The following AMPH variants were observed in gnomAD, a reference collection of about 807,000 sequenced individuals.
AMPH encodes the protein amphiphysin (Stiff-Mann syndrome with breast cancer 128kD autoantigen).
In AMPH, 49 loss-of-function variants were observed where a neutral mutation model predicts 99.1. The ratio of observed to expected loss-of-function variants is 0.49; its 90% CI spans 0.39 to 0.63. The LOEUF is 0.63. Ranked by LOEUF, AMPH falls within the 20% of genes least tolerant of loss-of-function variation. The probability of loss-of-function intolerance (pLI) is 0.00; values close to 1 mark genes in which losing one functional copy is unlikely to be tolerated. For missense variants in AMPH, 759 were observed against 863.4 expected, an observed-to-expected ratio of 0.88 and a Z score of 1.52; for synonymous variants, 314 against 317.3, an observed-to-expected ratio of 0.99 and a Z score of 0.11.
Position 38,581,747 on chromosome 7 carries a change from A to C in AMPH, c.70-46736T>G, listed in dbSNP as rs1792473724. 2.0e-5 allele frequency among the ~76,000 whole-genome samples: 3 copies of C among 152,284 alleles called. No homozygotes were observed. The South Asian group carries it at 6.2e-4, about 32-fold the overall frequency. On this transcript the variant is annotated intron_variant, in intron 1 of 20. Transcript: ENST00000356264. ...AGGTGTAAAAATGGTAGCATTCTAC[A>C]TCTATTTTAGAATTTGATGCAGATG...
intron 11 of AMPH, among the ~76,000 whole-genome samples, chr7:38,450,367 C>A (rs1028636414): frequency 2.6e-5 from 4 of 152,206 alleles, no homozygotes; most frequent in Admixed American, 6.5e-5. Context: ...CAAAGAGGGA[C>A]CCTGCCCCAA....
intron 11 of AMPH, among the ~76,000 whole-genome samples, chr7:38,455,309 G>C (rs1380788882): frequency 6.6e-6 from 1 of 152,116 alleles, no homozygotes; most frequent in African/African-American, 2.4e-5. Flanking sequence ...GACTTCAGGT[G>C]ATCTGCCCGC....
intron 17 of AMPH, among the ~76,000 whole-genome samples, chr7:38,413,505 G>C (rs1327830410): frequency 6.6e-6 from 1 of 152,188 alleles, no homozygotes; most frequent in African/African-American, 2.4e-5. Context: ...GATGGGCATG[G>C]ATTATGCACT....
chr7:38,526,272 C>CTT (rs1156956513), intron 2 of AMPH, among the ~76,000 whole-genome samples: 6 of 142,906 alleles, frequency 4.2e-5, no homozygotes, highest in Non-Finnish European at 9.2e-5. Context: ...GGTTTCTTTT[C>CTT]TTTTTTTTTT....
chr7:38,457,531 G>A (rs938081411), intron 11 of AMPH, among the ~76,000 whole-genome samples: 1 of 152,104 alleles, frequency 6.6e-6, no homozygotes, highest in Non-Finnish European at 1.5e-5. Context: ...AAAAAGAATG[G>A]ACAAAGCCTT....
intron 11 of AMPH, among the ~76,000 whole-genome samples, chr7:38,445,186 G>A (rs1363373828): frequency 8.6e-5 from 13 of 151,214 alleles, no homozygotes; most frequent in Admixed American, 5.3e-4. Flanking sequence ...ATTTAGTAGA[G>A]TAAGAATACT....
At chr7:38,392,338 G>A (rs1784527376) in intron 18 of AMPH, among the ~76,000 whole-genome samples, 1 of 149,748 alleles carries the variant, frequency 6.7e-6, no homozygotes, top group Non-Finnish European at 1.5e-5. Flanking sequence ...GCCATCCTGA[G>A]AGGGATTGCA....
intron 1 of AMPH, among the ~76,000 whole-genome samples, chr7:38,607,371 A>T (rs1793469941): frequency 6.6e-6 from 1 of 152,242 alleles, no homozygotes; most frequent in Admixed American, 6.5e-5. Context: ...AAAGCAGAAC[A>T]TGCAAAATGC....
At chr7:38,426,921 C>A in intron 15 of AMPH, 33 bp downstream of exon 15, 1 of 1,602,566 alleles carries the variant, frequency 6.2e-7, no homozygotes, top group African/African-American at 1.3e-5. Context: ...TCATTCTCAG[C>A]AGATGGATCT....
intron 5 of AMPH, among the ~76,000 whole-genome samples, chr7:38,485,411 C>T (rs1788451294): frequency 6.6e-6 from 1 of 151,686 alleles, no homozygotes; most frequent in African/African-American, 2.4e-5. Context: ...AAGGTCAGTC[C>T]CTCAGGAAGA....
intron 3 of AMPH, among the ~76,000 whole-genome samples, chr7:38,500,763 G>A (rs1417578555): frequency 3.3e-5 from 5 of 152,138 alleles, no homozygotes; most frequent in Admixed American, 3.3e-4. Flanking sequence ...TTTTCTGACT[G>A]AACTGTTACA....
chr7:38,407,048 C>CTCTCTCTCTCTCTCTATA (rs1241166935), intron 17 of AMPH, among the ~76,000 whole-genome samples: 1 of 31,260 alleles, frequency 3.2e-5, no homozygotes, highest in African/African-American at 1.1e-4. Context: ...CTCTCTCTCT[C>CTCTCTCTCTCTCTCTATA]TATATATATA....
chr7:38,459,977 A>G (rs555500882), intron 11 of AMPH, among the ~76,000 whole-genome samples: 1 of 151,982 alleles, frequency 6.6e-6, no homozygotes, highest in African/African-American at 2.4e-5. Flanking sequence ...TGTACAAGGA[A>G]CTCAACTCAA....
At chr7:38,565,123 CAA>C (rs35508498) in intron 1 of AMPH, among the ~76,000 whole-genome samples, 4,900 of 125,470 alleles carry the variant, frequency 0.039, 228 homozygotes, top group African/African-American at 0.13. Context: ...GACTCCGTCT[CAA>C]AAAAAAAAAA....
At chr7:38,392,109 G>T (rs777601781) in intron 18 of AMPH, 92 bp from the exon 19 acceptor site, 1 of 1,337,070 alleles carries the variant, frequency 7.5e-7, no homozygotes, top group Non-Finnish European at 1.0e-6. Flanking sequence ...CCAGCCCAAA[G>T]CTGGGGCTGC....
intron 5 of AMPH, among the ~76,000 whole-genome samples, chr7:38,484,713 C>CAA (rs1788423378): frequency 2.0e-5 from 3 of 151,874 alleles, no homozygotes; most frequent in Non-Finnish European, 2.9e-5. Flanking sequence ...ATTACTGTAA[C>CAA]AGTGGTGGGT....
At chr7:38,564,225 C>T (rs1283938119) in intron 1 of AMPH, among the ~76,000 whole-genome samples, 1 of 152,150 alleles carries the variant, frequency 6.6e-6, no homozygotes, top group Non-Finnish European at 1.5e-5. Context: ...GATGATGGGT[C>T]TGGGGCTCCA....
chr7:38,482,592 T>C (rs187171296), intron 5 of AMPH, among the ~76,000 whole-genome samples: 4 of 152,246 alleles, frequency 2.6e-5, no homozygotes, highest in East Asian at 3.9e-4. Flanking sequence ...TTTCTAAATA[T>C]AGTACAATAA....
At chr7:38,517,125 T>G (rs917128744) in intron 2 of AMPH, among the ~76,000 whole-genome samples, 4 of 152,238 alleles carry the variant, frequency 2.6e-5, no homozygotes, top group African/African-American at 9.6e-5. Context: ...TGAAATGAGT[T>G]AAGACTTGGG....
Sources: allele counts gnomAD v4.1 joint callset (sites outside exome capture counted in the v4.1 genomes callset), GRCh38; gene constraint gnomAD v4.1.1; transcripts MANE v1.5; gene names NCBI Gene and HGNC (gene_info 2026-07-23, HGNC 2026-07-21).